Variants in ADAMTS3 observed in about 807,000 individuals in gnomAD.
ADAMTS3 encodes the protein ADAM metallopeptidase with thrombospondin type 1 motif 3.
A neutral mutation model predicts 129.0 loss-of-function variants in ADAMTS3; 73 were observed. The observed-to-expected ratio is 0.57, with a 90% CI of 0.47 to 0.69. ADAMTS3 has a LOEUF of 0.69. Ranked by LOEUF, ADAMTS3 falls within the 30% of genes least tolerant of loss-of-function variation. ADAMTS3 has a pLI of 0.00. For missense variants in ADAMTS3, 1,457 were observed against 1,514.5 expected (o/e 0.96, Z 0.63); for synonymous variants, 477 against 510.8 (o/e 0.93, Z 0.89).
chr4:72,555,554 T>C lies in ADAMTS3; in HGVS notation c.98-6670A>G, dbSNP rs565160514. On this transcript the variant is annotated intron_variant, in intron 2 of 21. Transcript: ENST00000286657. ...TGTCAAGGCATTTAACAAAAACTCA[T>C]GCAATGTCTGTACAAAAGTTTTTTA... Among the ~76,000 whole-genome samples the C allele has an allele frequency of 1.6e-3, 246 of 151,932 alleles. 3 individuals carry two copies. Among genetic ancestry groups the C allele is most frequent in the Admixed American group, 2.8e-3 (42 of 15,272 alleles).
At chr4:72,448,587 A>T (rs565592242) in intron 3 of ADAMTS3, among the ~76,000 whole-genome samples, 1 of 151,856 alleles carries the variant, frequency 6.6e-6, no homozygotes, top group African/African-American at 2.4e-5. Flanking sequence ...AATCCTAAAA[A>T]TTTATATGGC....
chr4:72,558,755 T>A (rs1721830117), intron 2 of ADAMTS3, among the ~76,000 whole-genome samples: 1 of 151,660 alleles, frequency 6.6e-6, no homozygotes, highest in Admixed American at 6.6e-5. Flanking sequence ...CCGATTTCCC[T>A]TCAGGTTAAC....
At chr4:72,530,258 T>C (rs1331612961) in intron 3 of ADAMTS3, among the ~76,000 whole-genome samples, 1 of 81,584 alleles carries the variant, frequency 1.2e-5, no homozygotes, top group Non-Finnish European at 2.1e-5. Context: ...AATATATTTA[T>C]ATTATATATA....
At chr4:72,315,289 C>T (rs1377482032) in intron 11 of ADAMTS3, among the ~76,000 whole-genome samples, 2 of 152,086 alleles carry the variant, frequency 1.3e-5, no homozygotes, top group Non-Finnish European at 2.9e-5. Flanking sequence ...TAAATGTTAC[C>T]TTATTTGGAA....
At position 72,568,940 on chromosome 4, in the gene ADAMTS3, G is replaced by A; in HGVS notation, c.-178C>T. ...AAATGAAATTTGAGCTCTGAGACTG[G>A]CCCCCTCTGCTCTGCAGTTTTTTCC... On this transcript the variant is annotated 5_prime_UTR_variant, in exon 1 of 22. Coordinates refer to ENST00000286657, the MANE Select transcript of ADAMTS3 (RefSeq NM_014243.3). The A allele has an allele frequency of 1.6e-6, 1 of 622,692 alleles. No homozygotes were observed. Among genetic ancestry groups the A allele is most frequent in the Non-Finnish European group, 2.9e-6 (1 of 347,162 alleles). The allele number at this position is 622,692 out of a possible 1,614,324, so 38.6% of individuals were successfully genotyped here.
intron 13 of ADAMTS3, chr4:72,312,064 G>T: frequency 2.2e-6 from 1 of 447,638 alleles, no homozygotes; most frequent in South Asian, 5.8e-5. Context: ...TCTTTTCACC[G>T]CTGATGGTGA....
chr4:72,450,760 C>T lies in ADAMTS3; in HGVS notation c.505-35789G>A, dbSNP rs1180739122. On this transcript the variant is annotated intron_variant, in intron 3 of 21. Coordinates refer to ENST00000286657, the MANE Select transcript of ADAMTS3 (RefSeq NM_014243.3). ...TTTCCAGCCGGGTGCCTTGTGCCACCCCGAGCATCTCTCACACCTGTCTTG... is the reference window on the plus strand; with the variant it reads ...TTTCCAGCCGGGTGCCTTGTGCCACTCCGAGCATCTCTCACACCTGTCTTG... Among the ~76,000 whole-genome samples, 3 of 151,524 alleles carry T rather than the reference C, an allele frequency of 2.0e-5. No homozygotes were observed. The East Asian group carries it at 5.9e-4, about 30-fold the overall frequency.
At chr4:72,471,933 A>G (rs758012334) in intron 3 of ADAMTS3, among the ~76,000 whole-genome samples, 11 of 152,098 alleles carry the variant, frequency 7.2e-5, no homozygotes, top group Non-Finnish European at 1.6e-4. Context: ...CAGAACTACT[A>G]CCTGAAAGAA....
intron 4 of ADAMTS3, among the ~76,000 whole-genome samples, chr4:72,374,545 A>G (rs1253090608): frequency 6.6e-6 from 1 of 152,218 alleles, no homozygotes; most frequent in East Asian, 1.9e-4. Flanking sequence ...ACTAATTATT[A>G]ACTAGTCAAT....
chr4:72,434,612 G>C (rs1722775635), intron 3 of ADAMTS3, among the ~76,000 whole-genome samples: 1 of 151,738 alleles, frequency 6.6e-6, no homozygotes, highest in Non-Finnish European at 1.5e-5. Context: ...TTTGAGTGTG[G>C]GCAGGACCTG....
At chr4:72,360,173 A>G (rs1213108123) in intron 4 of ADAMTS3, among the ~76,000 whole-genome samples, 5 of 152,100 alleles carry the variant, frequency 3.3e-5, no homozygotes, top group Admixed American at 1.3e-4. Flanking sequence ...ACCCACAAAT[A>G]GTCCAACTGT....
At chr4:72,396,721 G>T (rs1721735125) in intron 4 of ADAMTS3, among the ~76,000 whole-genome samples, 1 of 152,084 alleles carries the variant, frequency 6.6e-6, no homozygotes, top group East Asian at 1.9e-4. Context: ...ATGATGTAAT[G>T]ACTTAAATTT....
chr4:72,352,565 C>T (rs180703074), intron 4 of ADAMTS3, among the ~76,000 whole-genome samples: 13 of 152,016 alleles, frequency 8.6e-5, no homozygotes, highest in South Asian at 6.2e-4. Flanking sequence ...TGCAAACAAA[C>T]GTGAATAAGC....
intron 6 of ADAMTS3, among the ~76,000 whole-genome samples, chr4:72,321,911 G>A (rs959272169): frequency 1.3e-5 from 2 of 151,986 alleles, no homozygotes; most frequent in African/African-American, 2.4e-5. Flanking sequence ...GTTCAGGGGG[G>A]AAAAGGGCCC....
intron 4 of ADAMTS3, among the ~76,000 whole-genome samples, chr4:72,411,623 A>T (rs1722186781): frequency 6.6e-6 from 1 of 152,080 alleles, no homozygotes; most frequent in East Asian, 1.9e-4. Flanking sequence ...GGCCATTCAT[A>T]CTTTGCCTCT....
At chr4:72,292,151 G>T (rs1000642317) in intron 19 of ADAMTS3, among the ~76,000 whole-genome samples, 1 of 152,100 alleles carries the variant, frequency 6.6e-6, no homozygotes. Flanking sequence ...ACACACTTAC[G>T]ATTTCTTTAC....
intron 4 of ADAMTS3, among the ~76,000 whole-genome samples, chr4:72,357,471 T>C (rs1720609888): frequency 6.6e-6 from 1 of 151,902 alleles, no homozygotes; most frequent in Non-Finnish European, 1.5e-5. Context: ...TGCAACAATA[T>C]GGGCACAGCT....
At chr4:72,452,346 T>C (rs1343631614) in intron 3 of ADAMTS3, among the ~76,000 whole-genome samples, 1 of 151,528 alleles carries the variant, frequency 6.6e-6, no homozygotes, top group East Asian at 2.0e-4. Flanking sequence ...GGGATATGTA[T>C]ACTAGTCAAA....
intron 17 of ADAMTS3, among the ~76,000 whole-genome samples, chr4:72,300,892 T>C (rs1035931468): frequency 2.6e-5 from 4 of 152,116 alleles, no homozygotes; most frequent in African/African-American, 9.7e-5. Flanking sequence ...TGACTAAGCT[T>C]GGAAGCAGAG....
Sources: allele counts gnomAD v4.1 joint callset (sites outside exome capture counted in the v4.1 genomes callset), GRCh38; gene constraint gnomAD v4.1.1; transcripts MANE v1.5; gene names NCBI Gene and HGNC (gene_info 2026-07-23, HGNC 2026-07-21).